Variants in FNDC1 observed in about 807,000 individuals in gnomAD.
FNDC1 encodes the protein fibronectin type III domain containing 1, also known as fibronectin type III domain-containing protein 1.
FNDC1 carries 96 observed loss-of-function variants against 168.0 expected under a neutral mutation model. The ratio of observed to expected loss-of-function variants is 0.57; its 90% CI spans 0.48 to 0.68. The LOEUF (loss-of-function observed/expected upper bound fraction) is 0.68. Among genes scored for constraint, FNDC1 ranks in the 30% least tolerant of loss-of-function variants. The pLI is 0.00. For missense variants in FNDC1, 2,587 were observed against 2,482.1 expected (o/e 1.04, Z -0.90); for synonymous variants, 1,099 against 1,025.9 (o/e 1.07, Z -1.36).
At position 159,233,510 on chromosome 6, in the gene FNDC1, C is replaced by G; in HGVS notation, c.2998C>G (p.Arg1000Gly). ...PSVPRRMTPG[R>G]APQQQPPPPV... is the part of the protein sequence containing the mutation. Reference sequence around the variant, plus strand: ...TGTTCCCAGAAGGATGACACCCGGCCGGGCCCCACAACAGCAGCCCCCTCC... The same window carrying G: ...TGTTCCCAGAAGGATGACACCCGGCGGGGCCCCACAACAGCAGCCCCCTCC... The change falls in exon 11 of 23, where the codon CGG becomes GGG. Residue 1000 changes from arginine to glycine, a missense_variant. Transcript: ENST00000297267. This position sits in a 1 kb window ranked among gnomAD's most constrained non-coding sequence, Gnocchi z 4.6. 3 of 1,602,756 alleles carry G rather than the reference C, an allele frequency of 1.9e-6. No individual in the cohort carries two copies. Among genetic ancestry groups the G allele is most frequent in the African/African-American group, 1.3e-5 (1 of 74,974 alleles).
chr6:159,212,832 G>A (rs538894941), intron 4 of FNDC1, among the ~76,000 whole-genome samples: 2 of 152,368 alleles, frequency 1.3e-5, no homozygotes, highest in East Asian at 3.9e-4. Flanking sequence ...GAGGTTGGGA[G>A]GTTGGTGGGA....
In FNDC1 at chr6:159,233,791, C is replaced by T. The variant is rs370364529; in HGVS notation, c.3279C>T (p.Ala1093=). 213 of 1,538,854 alleles carry T rather than the reference C, an allele frequency of 1.4e-4. No homozygotes were observed. In the Middle Eastern group the frequency reaches 2.5e-3, roughly 18 times the overall value. The change falls in exon 11 of 23, where the codon GCC becomes GCT. Residue 1093 remains alanine (A), a synonymous_variant. Transcript: ENST00000297267. The surrounding 1 kb of genome is among the most constrained non-coding windows in gnomAD (Gnocchi z 4.6). Reference sequence around the variant, plus strand: ...AAGTCGAGGCCCAGGATGTGCGGGCCCCCGCGCACGCCGCGCGCGCCAAGG... The same window carrying T: ...AAGTCGAGGCCCAGGATGTGCGGGCTCCCGCGCACGCCGCGCGCGCCAAGG... The part of the protein sequence containing the change: ...STEVEAQDVR[A]PAHAARAKEA...
intron 1 of FNDC1, among the ~76,000 whole-genome samples, chr6:159,178,710 G>A (rs1781818621): frequency 6.6e-6 from 1 of 150,782 alleles, no homozygotes; most frequent in Non-Finnish European, 1.5e-5. Context: ...TGCCCATTCT[G>A]CTTGTGATCA....
intron 5 of FNDC1, among the ~76,000 whole-genome samples, chr6:159,217,556 C>G (rs549853578): frequency 6.6e-6 from 1 of 152,278 alleles, no homozygotes; most frequent in East Asian, 1.9e-4. Context: ...TTCCCTGATA[C>G]AGCCTAGGAC....
chr6:159,238,461 G>C, intron 12 of FNDC1, 93 bp from the exon 13 acceptor site: 1 of 747,654 alleles, frequency 1.3e-6, no homozygotes, highest in African/African-American at 1.8e-5. Context: ...GTTTCCTTCT[G>C]TGGAAGCTTC....
chr6:159,214,727 C>A (rs1466928333), intron 4 of FNDC1, among the ~76,000 whole-genome samples: 1 of 152,164 alleles, frequency 6.6e-6, no homozygotes, highest in Admixed American at 6.5e-5. Flanking sequence ...ATTTTAATTT[C>A]TTGAGACCTT....
At position 159,267,882 on chromosome 6, in the gene FNDC1, G is replaced by C; in HGVS notation, c.5525G>C (p.Arg1842Thr). ...TTTGTGGATTCACACCTTGATGGAA[G>C]AACAGGGCCTCAGTCCTATGTAGAA... is the stretch of plus-strand genomic sequence containing the variant. ...CQFVDSHLDG[R>T]TGPQSYVEAL... Residue 1842 changes from arginine to threonine, a missense_variant, in exon 22 of 23, where the codon AGA becomes ACA. Transcript: ENST00000297267. 2.5e-6 allele frequency: 4 copies of C among 1,612,980 alleles called. No homozygotes were observed. Among genetic ancestry groups the C allele is most frequent in the Non-Finnish European group, 3.4e-6 (4 of 1,179,456 alleles).
Position 159,269,959 on chromosome 6 carries a change from G to A in FNDC1, c.5570-1368G>A, listed in dbSNP as rs888185650. On this transcript the variant is annotated intron_variant, in intron 22 of 22. Coordinates refer to ENST00000297267, the MANE Select transcript of FNDC1 (RefSeq NM_032532.3). ...AATCCCAGCACCTTGGGAGGCTGAT[G>A]TGGGAGGATTGCTTGAGCCCAGGAG... Among the ~76,000 whole-genome samples the A allele has an allele frequency of 5.3e-5, 8 of 152,200 alleles. No individual in the cohort carries two copies. The South Asian group carries it at 1.2e-3, about 24-fold the overall frequency.
In FNDC1 at chr6:159,246,964, A is replaced by G; in HGVS notation, c.4685A>G (p.Asp1562Gly). The G allele has an allele frequency of 6.2e-7, 1 of 1,608,854 alleles. No individual in the cohort carries two copies. The change falls in exon 15 of 23, where the codon GAT becomes GGT. Residue 1562 changes from aspartate (D) to glycine (G), a missense_variant. Coordinates refer to ENST00000297267, the MANE Select transcript of FNDC1 (RefSeq NM_032532.3). Reference protein sequence around the residue: ...VPTEEAYVIYDEDYEFETSRP... With the variant: ...VPTEEAYVIYGEDYEFETSRP... ...ACGGAAGAGGCCTACGTTATATATG[A>G]TGAAGGTACAAACTGGCTTTTGAAA...
intron 3 of FNDC1, 97 bp from the exon 4 acceptor site, chr6:159,200,416 T>C: frequency 1.0e-6 from 1 of 965,714 alleles, no homozygotes; most frequent in Non-Finnish European, 1.6e-6. Context: ...TGAAGATGGT[T>C]GAAAAGATCA....
In FNDC1 at chr6:159,233,581, C is replaced by T. The variant is rs376483628; in HGVS notation, c.3069C>T (p.Asp1023=). ...ACCACCCGGGACCCCAGAGCAGAGACGCGGGTCGGTCACCTTCCCAGCCCA... is the reference window on the plus strand; with the variant it reads ...ACCACCCGGGACCCCAGAGCAGAGATGCGGGTCGGTCACCTTCCCAGCCCA... ...SQHHPGPQSR[D]AGRSPSQPRL... Residue 1023 remains aspartate, a synonymous_variant, in exon 11 of 23, where the codon GAC becomes GAT. Transcript: ENST00000297267. The surrounding 1 kb of genome is among the most constrained non-coding windows in gnomAD (Gnocchi z 4.6). The T allele has an allele frequency of 6.3e-7, 1 of 1,585,848 alleles. No homozygotes were observed.
At chr6:159,189,492 T>C (rs918504111) in intron 1 of FNDC1, among the ~76,000 whole-genome samples, 6 of 152,184 alleles carry the variant, frequency 3.9e-5, no homozygotes, top group Non-Finnish European at 8.8e-5. Context: ...ACAGTGTGGA[T>C]TGGCTTCCTT....
intron 1 of FNDC1, among the ~76,000 whole-genome samples, chr6:159,196,924 T>C (rs1451779964): frequency 6.6e-6 from 1 of 152,218 alleles, no homozygotes; most frequent in Non-Finnish European, 1.5e-5. Flanking sequence ...AAGCTGTTGA[T>C]GATCTTGGTT....
chr6:159,243,902 C>T (rs1184827076), intron 14 of FNDC1, among the ~76,000 whole-genome samples: 1 of 152,166 alleles, frequency 6.6e-6, no homozygotes, highest in East Asian at 1.9e-4. Flanking sequence ...AACTGTCACT[C>T]ATCTCAGGAA....
chr6:159,226,685 C>G (rs1328566587), intron 9 of FNDC1, 105 bp downstream of exon 9: 2 of 779,296 alleles, frequency 2.6e-6, no homozygotes, highest in East Asian at 5.8e-5. Flanking sequence ...CAACATATGT[C>G]TAAGAGGTGC....
At chr6:159,203,068 T>C (rs1349943080) in intron 4 of FNDC1, among the ~76,000 whole-genome samples, 1 of 152,254 alleles carries the variant, frequency 6.6e-6, no homozygotes, top group Non-Finnish European at 1.5e-5. Flanking sequence ...CATGCATCCT[T>C]GGTATCTGTG....
At chr6:159,263,903 C>T (rs997927184) in intron 19 of FNDC1, among the ~76,000 whole-genome samples, 1 of 152,156 alleles carries the variant, frequency 6.6e-6, no homozygotes, top group Non-Finnish European at 1.5e-5. Flanking sequence ...TGCAGTGAGC[C>T]GAGATTGTGC....
intron 6 of FNDC1, among the ~76,000 whole-genome samples, chr6:159,223,125 AT>A (rs1782869967): frequency 1.3e-5 from 2 of 150,722 alleles, no homozygotes; most frequent in Non-Finnish European, 2.9e-5. Context: ...CCTCCCGAGT[AT>A]TTGGGACTAC....
At chr6:159,189,158 T>C (rs929848229) in intron 1 of FNDC1, among the ~76,000 whole-genome samples, 4 of 152,210 alleles carry the variant, frequency 2.6e-5, no homozygotes, top group Admixed American at 6.5e-5. Flanking sequence ...CCAGAATTCA[T>C]TGGTTCTTGG....
Sources: gnomAD v4.1 joint callset for allele counts (sites outside exome capture counted in the v4.1 genomes callset) on GRCh38, gnomAD v4.1.1 for gene constraint, Gnocchi (gnomAD v3.1) non-coding constraint, MANE v1.5 for transcripts, NCBI Gene and HGNC (gene_info 2026-07-23, HGNC 2026-07-21) for gene names.